ADAM12: variants seen among roughly 807,000 people sequenced by gnomAD.
The protein encoded by ADAM12 is disintegrin and metalloproteinase domain-containing protein 12.
Under a neutral mutation model 106.4 loss-of-function variants are expected in ADAM12, and 70 were observed. The ratio of observed to expected loss-of-function variants is 0.66; its 90% confidence interval spans 0.54 to 0.80. The LOEUF (loss-of-function observed/expected upper bound fraction) is 0.80. Among genes scored for constraint, ADAM12 ranks in the 30% least tolerant of loss-of-function variants. The pLI is 0.00. For synonymous variants in ADAM12, 420 were observed against 433.5 expected, an observed-to-expected ratio of 0.97 and a Z score of 0.39; for missense variants, 1,010 against 1,171.9, an observed-to-expected ratio of 0.86 and a Z score of 2.02.
chr10:126,290,513 C>A (rs1960100517), intron 2 of ADAM12, among the ~76,000 whole-genome samples: 1 of 152,176 alleles, frequency 6.6e-6, no homozygotes, highest in Non-Finnish European at 1.5e-5. Context: ...TGTTTGGAAA[C>A]CATCATGCGT....
intron 2 of ADAM12, among the ~76,000 whole-genome samples, chr10:126,294,645 A>G (rs1053480987): frequency 3.9e-5 from 6 of 152,192 alleles, no homozygotes; most frequent in Admixed American, 1.3e-4. Context: ...GAAAAAAAGG[A>G]AAACAGAGGA....
chr10:126,195,022 T>A (rs1394187595), intron 3 of ADAM12, among the ~76,000 whole-genome samples: 1 of 152,112 alleles, frequency 6.6e-6, no homozygotes, highest in Admixed American at 6.5e-5. Context: ...TAATTACGTA[T>A]CTGCCTTAAA....
chr10:126,269,901 C>G (rs1959167502), intron 3 of ADAM12, among the ~76,000 whole-genome samples: 1 of 152,174 alleles, frequency 6.6e-6, no homozygotes, highest in Non-Finnish European at 1.5e-5. Context: ...CCAGTTTAGG[C>G]ACTTTCAAGT....
chr10:126,273,858 A>C (rs547579323), intron 3 of ADAM12, among the ~76,000 whole-genome samples: 1 of 152,328 alleles, frequency 6.6e-6, no homozygotes, highest in East Asian at 1.9e-4. Flanking sequence ...GACTGGACAC[A>C]GATGCTTATT....
intron 2 of ADAM12, among the ~76,000 whole-genome samples, chr10:126,291,416 T>C (rs984656606): frequency 6.6e-6 from 1 of 152,236 alleles, no homozygotes; most frequent in Non-Finnish European, 1.5e-5. Context: ...AACAAGTTTT[T>C]CTATTACAAA....
At chr10:126,369,375 A>T (rs1489798635) in intron 1 of ADAM12, among the ~76,000 whole-genome samples, 1 of 152,226 alleles carries the variant, frequency 6.6e-6, no homozygotes, top group Non-Finnish European at 1.5e-5. Context: ...CCTAGAAGAC[A>T]AACCGTTGAT....
rs553666981 is a variant in ADAM12, at chr10:126,228,055, G to T, written c.260+50860C>A. 2.0e-3 allele frequency among the ~76,000 whole-genome samples: 312 copies of T among 152,268 alleles called. 2 individuals carry two copies. The highest frequency in any genetic ancestry group is 7.3e-3 in the African/African-American group (303 of 41,550). On this transcript the variant is annotated intron_variant, in intron 3 of 22. Coordinates refer to ENST00000448723, the MANE Select transcript of ADAM12 (RefSeq NM_001288973.2). ...CTTCCAGAAGCCAGGGGAGGGAAAA[G>T]GGGTCAAGGACGGCCCCAGACACTG...
At chr10:126,308,785 C>G (rs1340523683) in intron 2 of ADAM12, among the ~76,000 whole-genome samples, 4 of 152,178 alleles carry the variant, frequency 2.6e-5, no homozygotes, top group Non-Finnish European at 5.9e-5. Flanking sequence ...GAGGCATTAT[C>G]ATCTCATAGT....
intron 3 of ADAM12, among the ~76,000 whole-genome samples, chr10:126,259,760 G>A (rs1958963687): frequency 6.6e-6 from 1 of 152,180 alleles, no homozygotes; most frequent in South Asian, 2.1e-4. Flanking sequence ...CAACCCAACT[G>A]ATGATCACTC....
At chr10:126,156,048 T>A (rs1956809322) in intron 3 of ADAM12, among the ~76,000 whole-genome samples, 1 of 152,218 alleles carries the variant, frequency 6.6e-6, no homozygotes, top group African/African-American at 2.4e-5. Flanking sequence ...ATGTCTTACA[T>A]AACATGCACT....
intron 3 of ADAM12, among the ~76,000 whole-genome samples, chr10:126,211,012 G>C (rs1957891413): frequency 6.6e-6 from 1 of 152,092 alleles, no homozygotes; most frequent in African/African-American, 2.4e-5. Context: ...TCCACCAAGG[G>C]TGGGGTCTTG....
intron 21 of ADAM12, among the ~76,000 whole-genome samples, chr10:126,020,663 C>T (rs951548581): frequency 6.6e-6 from 1 of 152,074 alleles, no homozygotes; most frequent in Non-Finnish European, 1.5e-5. Flanking sequence ...ATCAGCATTC[C>T]TTCATGCCGC....
intron 3 of ADAM12, among the ~76,000 whole-genome samples, chr10:126,261,620 C>T (rs1959002885): frequency 6.6e-6 from 1 of 151,976 alleles, no homozygotes; most frequent in Admixed American, 6.6e-5. Context: ...TGTCTCAAAC[C>T]CCAATACACT....
At position 126,043,067 on chromosome 10, in the gene ADAM12, T is replaced by C. The variant is rs1954219195; in HGVS notation, c.2077A>G (p.Thr693Ala). ...FCDKFGFGGS[T>A]DSGPIRQADN... ...GCTTGCCGGATGGGGCCGCTGTCTGTGCTTCCTCCAAAGCCAAACTTGTCA... is the reference window on the plus strand; with the variant it reads ...GCTTGCCGGATGGGGCCGCTGTCTGCGCTTCCTCCAAAGCCAAACTTGTCA... Residue 693 changes from threonine to alanine, a missense_variant, in exon 18 of 23, where the codon ACA becomes GCA. Thr to Ala is a moderately conservative substitution (Grantham distance 58). Around this residue, in one of 3 missense-constraint regions of ADAM12, gnomAD observed 615 missense variants for 708.5 expected, o/e 0.87. Transcript: ENST00000448723. This position sits in a 1 kb window ranked among gnomAD's most constrained non-coding sequence, Gnocchi z 4.1. 1.2e-6 allele frequency: 2 copies of C among 1,614,070 alleles called. No homozygotes were observed. The highest frequency in any genetic ancestry group is 1.7e-6 in the Non-Finnish European group (2 of 1,180,024).
chr10:126,109,877 G>A (rs1025754199), intron 6 of ADAM12, 37 bp from the exon 7 acceptor site: 3 of 1,588,396 alleles, frequency 1.9e-6, no homozygotes, highest in Non-Finnish European at 2.6e-6. Context: ...CTCTCTTAAT[G>A]CCTCTCTGGC....
chr10:126,287,377 A>ATGGATTT (rs1253357179), intron 2 of ADAM12, among the ~76,000 whole-genome samples: 1 of 152,170 alleles, frequency 6.6e-6, no homozygotes, highest in African/African-American at 2.4e-5. Context: ...ACACTATGAC[A>ATGGATTT]TGGATTTCTC....
At chr10:126,159,226 C>T (rs973569530) in intron 3 of ADAM12, among the ~76,000 whole-genome samples, 1 of 141,638 alleles carries the variant, frequency 7.1e-6, no homozygotes, top group South Asian at 2.2e-4. Context: ...AGGAGAATGG[C>T]GTGAACCTGG....
intron 3 of ADAM12, among the ~76,000 whole-genome samples, chr10:126,201,022 G>T (rs927958371): frequency 3.3e-5 from 5 of 152,186 alleles, no homozygotes; most frequent in Non-Finnish European, 7.3e-5. Context: ...TCCTAGAAAG[G>T]TGGGGTTGTC....
chr10:126,132,789 C>A (rs1956331909), intron 5 of ADAM12, among the ~76,000 whole-genome samples: 1 of 152,124 alleles, frequency 6.6e-6, no homozygotes, highest in South Asian at 2.1e-4. Context: ...CTATCATGTT[C>A]TAGGGTGAGA....
Sources: gnomAD v4.1 joint callset for allele counts (sites outside exome capture counted in the v4.1 genomes callset) on GRCh38, gnomAD v4.1.1 for gene constraint, gnomAD v4.1.1 regional missense constraint, Gnocchi (gnomAD v3.1) non-coding constraint, MANE v1.5 for transcripts, NCBI Gene and HGNC (gene_info 2026-07-23, HGNC 2026-07-21) for gene names.